Variants in PCDHGB2 observed in about 807,000 individuals in gnomAD.
PCDHGB2 encodes protocadherin gamma-B2.
PCDHGB2 carries 55 observed loss-of-function variants against 59.3 expected under a neutral mutation model. The ratio of observed to expected loss-of-function variants is 0.93; its 90% CI spans 0.75 to 1.16. PCDHGB2 has a LOEUF of 1.16. Among genes scored for constraint, PCDHGB2 ranks in the 50% most tolerant of loss-of-function variants. The pLI is 0.00. For synonymous variants in PCDHGB2, 516 were observed against 512.0 expected, an observed-to-expected ratio of 1.01 and a Z score of -0.11; for missense variants, 1,228 against 1,198.5, an observed-to-expected ratio of 1.02 and a Z score of -0.36.
In PCDHGB2 at chr5:141,490,376, C is replaced by T. The variant is rs761956816; in HGVS notation, c.2422-4431C>T. 2 of 1,614,184 alleles carry T rather than the reference C, an allele frequency of 1.2e-6. No individual in the cohort carries two copies. The highest frequency in any genetic ancestry group is 1.7e-6 in the Non-Finnish European group (2 of 1,180,036). ...TTGTTTAATGTGCGAGACCGGGACT[C>T]AGGTAGAAATGGTGAAGTGAGCCTT... is the stretch of plus-strand genomic sequence containing the variant. On this transcript the variant is annotated intron_variant, in intron 1 of 3. Transcript: ENST00000522605. The surrounding 1 kb of genome is among the most constrained non-coding windows in gnomAD (Gnocchi z 5.4).
rs539038497 is a variant in PCDHGB2 at position 141,420,464 on chromosome 5, C to T, written c.2421+57908C>T. 2.0e-4 allele frequency: 164 copies of T among 801,490 alleles called. 1 individual carries two copies. In the South Asian group the frequency reaches 6.4e-3, roughly 31 times the overall value. 49.6% of individuals were successfully genotyped at this position (801,490 alleles called of 1,614,324 possible). ...CCTCAGTCTTCCTACTATTCAAAGA[C>T]ATTTTAAAGCAAACTACATGGGTAA... On this transcript the variant is annotated intron_variant, in intron 1 of 3. Transcript: ENST00000522605.
chr5:141,475,542 G>A (rs1182059354), intron 1 of PCDHGB2, among the ~76,000 whole-genome samples: 1 of 152,174 alleles, frequency 6.6e-6, no homozygotes, highest in East Asian at 1.9e-4. Flanking sequence ...TTACAAGTAG[G>A]GTCCGGCTAA....
At chr5:141,450,885 T>C (rs1262944058) in intron 1 of PCDHGB2, among the ~76,000 whole-genome samples, 1 of 149,238 alleles carries the variant, frequency 6.7e-6, no homozygotes, top group African/African-American at 2.5e-5. Context: ...TGTGCAGTGG[T>C]GCGATATCGG....
At chr5:141,375,421 C>G in intron 1 of PCDHGB2, 1 of 1,613,998 alleles carries the variant, frequency 6.2e-7, no homozygotes, top group South Asian at 1.1e-5. Flanking sequence ...CAGACACCAA[C>G]GACAACCCGC....
chr5:141,364,603 C>T (rs1763435193), intron 1 of PCDHGB2: 2 of 1,614,062 alleles, frequency 1.2e-6, no homozygotes, highest in African/African-American at 1.3e-5. Flanking sequence ...GCAGGATAGA[C>T]CGGGAGGAGC....
intron 1 of PCDHGB2, among the ~76,000 whole-genome samples, chr5:141,481,913 CAAAAA>C (rs34114744): frequency 1.1e-5 from 1 of 90,852 alleles, no homozygotes; most frequent in Non-Finnish European, 2.2e-5. Flanking sequence ...AACTCCATCT[CAAAAA>C]AAAAAAAAAA....
chr5:141,360,207 G>C lies in PCDHGB2; in HGVS notation c.72G>C (p.Leu24Phe). 1 of 1,613,064 alleles carries C rather than the reference G, an allele frequency of 6.2e-7. No homozygotes were observed. The highest frequency in any genetic ancestry group is 8.5e-7 in the Non-Finnish European group (1 of 1,179,444). The change falls in exon 1 of 4, where the codon TTG (leucine) becomes TTC (phenylalanine). Residue 24 changes from leucine to phenylalanine, a missense_variant. Leu to Phe is a conservative substitution (Grantham distance 22). Transcript: ENST00000522605. ...LQVLLPFLLSLFPGALPVQIR... is the reference protein window; with the variant it reads ...LQVLLPFLLSFFPGALPVQIR... ...TACTGTTGCCCTTCCTGTTGTCTTT[G>C]TTCCCCGGGGCTCTCCCAGTCCAGA...
At chr5:141,372,140 A>C in intron 1 of PCDHGB2, 1 of 1,613,766 alleles carries the variant, frequency 6.2e-7, no homozygotes, top group Non-Finnish European at 8.5e-7. Context: ...CGCGCTCTGC[A>C]GAGCCTGGCT....
At chr5:141,422,144 G>T in intron 1 of PCDHGB2, 1 of 1,583,520 alleles carries the variant, frequency 6.3e-7, no homozygotes, top group Non-Finnish European at 8.5e-7. Context: ...CAAGTACGGG[G>T]GTCTCTGGAT....
intron 1 of PCDHGB2, chr5:141,421,454 T>C: frequency 6.2e-7 from 1 of 1,614,132 alleles, no homozygotes; most frequent in Non-Finnish European, 8.5e-7. Flanking sequence ...ACACAGCTTT[T>C]CGCTGTGAAT....
chr5:141,462,372 C>A (rs2099038225), intron 1 of PCDHGB2, among the ~76,000 whole-genome samples: 1 of 152,096 alleles, frequency 6.6e-6, no homozygotes, highest in African/African-American at 2.4e-5. Flanking sequence ...AGTTTCTATT[C>A]TTTTAAATTC....
intron 1 of PCDHGB2, among the ~76,000 whole-genome samples, chr5:141,481,223 A>C (rs935737972): frequency 3.3e-5 from 5 of 152,242 alleles, no homozygotes; most frequent in Non-Finnish European, 7.3e-5. Context: ...AAGGTCTCCC[A>C]GCCTTAAAGT....
At chr5:141,377,180 A>G (rs1032248697) in intron 1 of PCDHGB2, 4 of 152,210 alleles carry the variant, frequency 2.6e-5, no homozygotes, top group African/African-American at 9.7e-5. Flanking sequence ...TCTTCTTGGC[A>G]AACTATTTGT....
intron 1 of PCDHGB2, chr5:141,383,042 T>C (rs1397489820): frequency 6.2e-7 from 1 of 1,613,842 alleles, no homozygotes; most frequent in Non-Finnish European, 8.5e-7. Flanking sequence ...GTGGGAGACA[T>C]CGCCAAGGAC....
At chr5:141,430,078 T>A (rs911861599) in intron 1 of PCDHGB2, among the ~76,000 whole-genome samples, 2 of 152,282 alleles carry the variant, frequency 1.3e-5, no homozygotes, top group Admixed American at 1.3e-4. Context: ...TTCCATAATA[T>A]CATGAAAATT....
intron 1 of PCDHGB2, among the ~76,000 whole-genome samples, chr5:141,407,049 C>T (rs1483952329): frequency 6.6e-6 from 1 of 152,162 alleles, no homozygotes. Context: ...TCCATAGATA[C>T]ACTGATGACT....
chr5:141,506,209 G>A (rs549403288), intron 3 of PCDHGB2, among the ~76,000 whole-genome samples: 3 of 152,284 alleles, frequency 2.0e-5, no homozygotes, highest in African/African-American at 7.2e-5. Context: ...CCAGCACTTT[G>A]GGAAGCTGAG....
At chr5:141,409,631 T>C (rs773588699) in intron 1 of PCDHGB2, 27 of 1,613,698 alleles carry the variant, frequency 1.7e-5, no homozygotes, top group Non-Finnish European at 2.2e-5. Context: ...AGTGAGCGCC[T>C]CTGACCCGGA....
Position 141,476,698 on chromosome 5 carries a change from G to C in PCDHGB2, c.2422-18109G>C, listed in dbSNP as rs2075661. Reference sequence around the variant, plus strand: ...CGCGGGAGGACAGCACCAAGTACGCGGAGCTGGTGTTGGAGCGCGCCCTGG... The same window carrying C: ...CGCGGGAGGACAGCACCAAGTACGCCGAGCTGGTGTTGGAGCGCGCCCTGG... On this transcript the variant is annotated intron_variant, in intron 1 of 3. Transcript: ENST00000522605. The surrounding 1 kb of genome is among the most constrained non-coding windows in gnomAD (Gnocchi z 7.6). The C allele has an allele frequency of 0.2, 326,683 of 1,614,030 alleles. 35,085 individuals carry two copies. Among genetic ancestry groups the C allele is most frequent in the Admixed American group, 0.37 (22,021 of 59,992 alleles).
Sources: allele counts gnomAD v4.1 joint callset (sites outside exome capture counted in the v4.1 genomes callset), GRCh38; gene constraint gnomAD v4.1.1; non-coding constraint Gnocchi (gnomAD v3.1); transcripts MANE v1.5; gene names NCBI Gene and HGNC (gene_info 2026-07-23, HGNC 2026-07-21).